The following HS6ST3 variants were observed in gnomAD, a reference collection of about 807,000 sequenced individuals.
HS6ST3 encodes the protein heparan-sulfate 6-O-sulfotransferase 3.
In HS6ST3, 12 loss-of-function variants were observed where a neutral mutation model predicts 36.7. The observed-to-expected ratio is 0.33, with a 90% CI of 0.21 to 0.53. The LOEUF (loss-of-function observed/expected upper bound fraction) is 0.53. Ranked by LOEUF, HS6ST3 falls within the 20% of genes least tolerant of loss-of-function variation. The pLI, the probability that HS6ST3 is intolerant of heterozygous loss-of-function variation, is 0.95. For synonymous variants in HS6ST3, 240 were observed against 257.5 expected, an observed-to-expected ratio of 0.93 and a Z score of 0.65; for missense variants, 584 against 640.9, an observed-to-expected ratio of 0.91 and a Z score of 0.96.
chr13:96,278,124 G>A (rs959323186), intron 1 of HS6ST3, among the ~76,000 whole-genome samples: 12 of 152,102 alleles, frequency 7.9e-5, no homozygotes, highest in African/African-American at 2.4e-4. Flanking sequence ...TTGTAAGGTC[G>A]ATATTTCAAT....
At chr13:96,718,133 C>T (rs887463027) in intron 1 of HS6ST3, among the ~76,000 whole-genome samples, 5 of 152,056 alleles carry the variant, frequency 3.3e-5, no homozygotes, top group African/African-American at 1.2e-4. Flanking sequence ...AGCATCCCAC[C>T]TAACATTTGC....
At chr13:96,180,525 A>G (rs1386608697) in intron 1 of HS6ST3, among the ~76,000 whole-genome samples, 1 of 91,390 alleles carries the variant, frequency 1.1e-5, no homozygotes, top group East Asian at 2.9e-4. Context: ...GGGCTAATAA[A>G]TATTTATTAA....
intron 1 of HS6ST3, among the ~76,000 whole-genome samples, chr13:96,731,726 A>G (rs1372736710): frequency 6.6e-6 from 1 of 151,652 alleles, no homozygotes; most frequent in Non-Finnish European, 1.5e-5. Context: ...TAGTGTGATC[A>G]CTGATCACCG....
intron 1 of HS6ST3, among the ~76,000 whole-genome samples, chr13:96,380,525 C>G (rs2055335975): frequency 6.6e-6 from 1 of 152,080 alleles, no homozygotes. Flanking sequence ...CTCAGCCTCC[C>G]AAAGGGCTGG....
At chr13:96,520,819 C>T (rs953035551) in intron 1 of HS6ST3, among the ~76,000 whole-genome samples, 56 of 152,174 alleles carry the variant, frequency 3.7e-4, no homozygotes, top group African/African-American at 1.4e-3. Context: ...TTCTCTCTTC[C>T]TATTTGAATA....
chr13:96,311,162 G>T (rs1394003130), intron 1 of HS6ST3, among the ~76,000 whole-genome samples: 1 of 152,160 alleles, frequency 6.6e-6, no homozygotes, highest in African/African-American at 2.4e-5. Context: ...TTTATGAAAA[G>T]AATCCTGGTA....
At chr13:96,786,055 G>A (rs1246102943) in intron 1 of HS6ST3, among the ~76,000 whole-genome samples, 1 of 152,156 alleles carries the variant, frequency 6.6e-6, no homozygotes, top group Non-Finnish European at 1.5e-5. Flanking sequence ...TACAGGGTGT[G>A]ACTACTTCAC....
At chr13:96,651,455 T>G (rs506757) in intron 1 of HS6ST3, among the ~76,000 whole-genome samples, 55,873 of 151,896 alleles carry the variant, frequency 0.37, 10,563 homozygotes, top group East Asian at 0.62. Flanking sequence ...TTGCCTCCTC[T>G]GATATCCCCA....
intron 1 of HS6ST3, among the ~76,000 whole-genome samples, chr13:96,322,739 C>G (rs79059829): frequency 6.6e-6 from 1 of 152,174 alleles, no homozygotes; most frequent in African/African-American, 2.4e-5. Flanking sequence ...TCTACATTTT[C>G]CTTTCTTTCA....
At chr13:96,173,205 G>T (rs997587799) in intron 1 of HS6ST3, among the ~76,000 whole-genome samples, 1 of 152,108 alleles carries the variant, frequency 6.6e-6, no homozygotes, top group Non-Finnish European at 1.5e-5. Flanking sequence ...TAGATAGTCA[G>T]GGATGTATCT....
intron 1 of HS6ST3, among the ~76,000 whole-genome samples, chr13:96,708,012 G>T (rs2138458437): frequency 6.6e-6 from 1 of 152,256 alleles, no homozygotes; most frequent in South Asian, 2.1e-4. Context: ...GAGTTGCAAA[G>T]GAATAAGGAC....
chr13:96,163,454 C>T (rs971610215), intron 1 of HS6ST3, among the ~76,000 whole-genome samples: 7 of 151,990 alleles, frequency 4.6e-5, no homozygotes, highest in Admixed American at 1.3e-4. Flanking sequence ...TGGTCTCGAT[C>T]TCCTGACCTC....
chr13:96,541,192 C>G (rs945886405), intron 1 of HS6ST3, among the ~76,000 whole-genome samples: 1 of 152,096 alleles, frequency 6.6e-6, no homozygotes, highest in South Asian at 2.1e-4. Context: ...GCTGCCACCC[C>G]ACCTGGCTAA....
chr13:96,448,534 A>G (rs1352377890), intron 1 of HS6ST3, among the ~76,000 whole-genome samples: 3 of 145,834 alleles, frequency 2.1e-5, no homozygotes, highest in African/African-American at 2.6e-5. Flanking sequence ...AGTGTTTACT[A>G]CAGTGCAAAC....
chr13:96,631,434 TTGTTAACAG>T (rs2056531800), intron 1 of HS6ST3, among the ~76,000 whole-genome samples: 1 of 152,226 alleles, frequency 6.6e-6, no homozygotes, highest in Non-Finnish European at 1.5e-5. Flanking sequence ...TCTCAAAAGA[TTGTTAACAG>T]AAGACACTGA....
intron 1 of HS6ST3, among the ~76,000 whole-genome samples, chr13:96,244,613 T>C (rs1314758014): frequency 6.6e-6 from 1 of 152,194 alleles, no homozygotes; most frequent in Non-Finnish European, 1.5e-5. Flanking sequence ...TATTTTGCTA[T>C]TAATCAATGG....
chr13:96,771,294 A>T (rs1208161389), intron 1 of HS6ST3, among the ~76,000 whole-genome samples: 8 of 149,112 alleles, frequency 5.4e-5, no homozygotes, highest in Non-Finnish European at 1.2e-4. Context: ...GGGAGGAGGG[A>T]TAGCATTAGG....
rs183512514 is a variant in HS6ST3 at position 96,424,665 on chromosome 13, T to C, written c.707+333096T>C. Among the ~76,000 whole-genome samples the C allele has an allele frequency of 1.2e-4, 18 of 152,152 alleles. 1 individual carries two copies. The highest frequency in any genetic ancestry group is 2.1e-4 in the Non-Finnish European group (14 of 67,988). On this transcript the variant is annotated intron_variant, in intron 1 of 1. Coordinates refer to ENST00000376705, the MANE Select transcript of HS6ST3 (RefSeq NM_153456.4). ...CTGGGTCCTTAGACGGCAAAAGGGG[T>C]GAGGGAGTTTTCTCCAGCCTCTTTT... is the stretch of plus-strand genomic sequence containing the variant.
intron 1 of HS6ST3, among the ~76,000 whole-genome samples, chr13:96,674,331 T>TAAAC (rs1025681798): frequency 6.6e-5 from 10 of 152,170 alleles, no homozygotes; most frequent in African/African-American, 1.2e-4. Context: ...GTGAGCCAAT[T>TAAAC]AAACCTCTTT....
Sources: allele counts gnomAD v4.1 joint callset (sites outside exome capture counted in the v4.1 genomes callset), GRCh38; gene constraint gnomAD v4.1.1; transcripts MANE v1.5; gene names NCBI Gene and HGNC (gene_info 2026-07-23, HGNC 2026-07-21).